The following ANKS1B variants were observed in gnomAD, a reference collection of about 807,000 sequenced individuals.
ANKS1B encodes ankyrin repeat and sterile alpha motif domain-containing protein 1B.
ANKS1B carries 36 observed loss-of-function variants against 148.3 expected under a neutral mutation model. The observed-to-expected ratio is 0.24, with a 90% CI of 0.19 to 0.32. The LOEUF is 0.32. Ranked by LOEUF, ANKS1B falls within the 10% of genes least tolerant of loss-of-function variation. The pLI, the probability that ANKS1B is intolerant of heterozygous loss-of-function variation, is 1.00. For synonymous variants in ANKS1B, 542 were observed against 560.8 expected (o/e 0.97, Z 0.47); for missense variants, 1,157 against 1,542.6 (o/e 0.75, Z 4.19).
chr12:99,518,047 C>A lies in ANKS1B; in HGVS notation c.1273-13406G>T, dbSNP rs534742192. On this transcript the variant is annotated intron_variant, in intron 9 of 26. Coordinates refer to ENST00000683438, the MANE Select transcript of ANKS1B (RefSeq NM_001352186.2). ...GGTTGATTTGCATATGTTGAACCAT[C>A]CTTGCCTCCTAGGGATAAATCCCAC... Among the ~76,000 whole-genome samples the A allele has an allele frequency of 4.1e-4, 63 of 152,236 alleles. 1 individual carries two copies. Among genetic ancestry groups the A allele is most frequent in the Admixed American group, 1.1e-3 (17 of 15,278 alleles).
intron 12 of ANKS1B, among the ~76,000 whole-genome samples, chr12:99,367,786 TTGTG>T (rs370684225): frequency 4.3e-4 from 64 of 148,440 alleles, no homozygotes; most frequent in South Asian, 2.1e-4. Context: ...GTGTGTGTGC[TTGTG>T]TGTGTGTGTG....
chr12:98,903,055 A>G, intron 17 of ANKS1B, among the ~76,000 whole-genome samples: 1 of 152,300 alleles, frequency 6.6e-6, no homozygotes, highest in Admixed American at 6.5e-5. Flanking sequence ...GATGGTGATT[A>G]TGTACATTAT....
At chr12:98,973,324 C>A (rs1458535256) in intron 17 of ANKS1B, among the ~76,000 whole-genome samples, 111 of 151,998 alleles carry the variant, frequency 7.3e-4, no homozygotes, top group Admixed American at 7.2e-3. Flanking sequence ...ATGATACAAG[C>A]AGTATAGAAT....
At chr12:98,743,479 A>G (rs1329694698), downstream of ANKS1B, among the ~76,000 whole-genome samples, 1 of 152,042 alleles carries the variant, frequency 6.6e-6, no homozygotes. Context: ...CAATGTATCA[A>G]TTTTCCCCTT....
At chr12:99,927,240 C>A (rs1038734868) in intron 1 of ANKS1B, among the ~76,000 whole-genome samples, 14 of 152,108 alleles carry the variant, frequency 9.2e-5, no homozygotes, top group African/African-American at 3.1e-4. Context: ...TTTCCCTGAC[C>A]CCTTTACAGT....
chr12:99,226,807 G>A (rs1474529415), intron 14 of ANKS1B, among the ~76,000 whole-genome samples: 10 of 152,106 alleles, frequency 6.6e-5, no homozygotes, highest in African/African-American at 2.2e-4. Context: ...ACGGTGAGAC[G>A]TAAAAAAACT....
intron 4 of ANKS1B, among the ~76,000 whole-genome samples, chr12:99,795,340 T>C (rs2066122382): frequency 6.6e-6 from 1 of 151,654 alleles, no homozygotes; most frequent in Admixed American, 6.6e-5. Context: ...AAATAAATAA[T>C]AAAGTCAGAA....
intron 19 of ANKS1B, among the ~76,000 whole-genome samples, chr12:98,819,745 A>G (rs114855877): frequency 6.6e-6 from 1 of 152,242 alleles, no homozygotes; most frequent in African/African-American, 2.4e-5. Flanking sequence ...CTTTTCTTTA[A>G]CAGTACAGTT....
chr12:99,871,486 G>A, intron 1 of ANKS1B, among the ~76,000 whole-genome samples: 2 of 152,102 alleles, frequency 1.3e-5, no homozygotes. Context: ...TATTGAATCT[G>A]TAGACTGCTT....
chr12:99,051,292 G>C (rs905222237), intron 17 of ANKS1B, among the ~76,000 whole-genome samples: 2 of 152,194 alleles, frequency 1.3e-5, no homozygotes, highest in African/African-American at 4.8e-5. Flanking sequence ...ACATATAATA[G>C]AGTCCTATTG....
chr12:99,964,531 A>C (rs1782701663), intron 1 of ANKS1B, among the ~76,000 whole-genome samples: 2 of 152,200 alleles, frequency 1.3e-5, no homozygotes, highest in South Asian at 4.1e-4. Context: ...AGGTGTGTCC[A>C]TATTGGGGCA....
At chr12:99,283,551 T>C (rs938541773) in intron 12 of ANKS1B, among the ~76,000 whole-genome samples, 3 of 152,082 alleles carry the variant, frequency 2.0e-5, no homozygotes, top group African/African-American at 4.8e-5. Context: ...CTGGCAGGAG[T>C]GTATCCTTAC....
At position 99,774,492 on chromosome 12, in the gene ANKS1B, C is replaced by T. The variant is rs529980451; in HGVS notation, c.961+1056G>A. 4.6e-5 allele frequency among the ~76,000 whole-genome samples: 7 copies of T among 152,066 alleles called. No individual in the cohort carries two copies. In the East Asian group the frequency reaches 1.4e-3, roughly 29 times the overall value. On this transcript the variant is annotated intron_variant, in intron 7 of 26. Coordinates refer to ENST00000683438, the MANE Select transcript of ANKS1B (RefSeq NM_001352186.2). The stretch of plus-strand genomic sequence containing the variant: ...AAAAGACAAAAGATAGGAGGTGTTT[C>T]TGAGGATGTGGAGAAAGGGAACCCT...
At chr12:99,392,807 C>T (rs2094119337) in intron 12 of ANKS1B, among the ~76,000 whole-genome samples, 2 of 152,080 alleles carry the variant, frequency 1.3e-5, no homozygotes, top group Non-Finnish European at 2.9e-5. Context: ...TTCTGATAAG[C>T]ATAAAATTAT....
intron 12 of ANKS1B, among the ~76,000 whole-genome samples, chr12:99,346,796 C>T (rs1415027720): frequency 6.6e-6 from 1 of 151,946 alleles, no homozygotes; most frequent in Admixed American, 6.6e-5. Flanking sequence ...AGCACCTCCC[C>T]CTTCTCTCTC....
At chr12:99,074,496 T>C (rs1204540916) in intron 16 of ANKS1B, among the ~76,000 whole-genome samples, 3 of 152,176 alleles carry the variant, frequency 2.0e-5, no homozygotes, top group Non-Finnish European at 4.4e-5. Context: ...ATCCAGCCCA[T>C]ACAGTTATTG....
At chr12:99,870,656 AT>A (rs2091397788) in intron 1 of ANKS1B, among the ~76,000 whole-genome samples, 3 of 152,196 alleles carry the variant, frequency 2.0e-5, no homozygotes, top group South Asian at 4.1e-4. Flanking sequence ...TTTGATTTGA[AT>A]TTCTCTGATG....
intron 10 of ANKS1B, among the ~76,000 whole-genome samples, chr12:99,468,196 C>T (rs1047436490): frequency 1.3e-5 from 2 of 151,986 alleles, no homozygotes; most frequent in African/African-American, 4.8e-5. Context: ...GGAAAGGATT[C>T]CCTATTTAAT....
intron 19 of ANKS1B, among the ~76,000 whole-genome samples, chr12:98,816,911 C>T (rs1452247269): frequency 6.6e-6 from 1 of 151,506 alleles, no homozygotes; most frequent in Non-Finnish European, 1.5e-5. Context: ...TATTATATAG[C>T]TAATCTAATA....
Sources: allele counts gnomAD v4.1 joint callset (sites outside exome capture counted in the v4.1 genomes callset), GRCh38; gene constraint gnomAD v4.1.1; transcripts MANE v1.5; gene names NCBI Gene and HGNC (gene_info 2026-07-23, HGNC 2026-07-21).